The following TUBGCP4 variants were observed in gnomAD, a reference collection of about 807,000 sequenced individuals.
The protein encoded by TUBGCP4 is gamma-tubulin complex component 4.
In TUBGCP4, 54 loss-of-function variants were observed where a neutral mutation model predicts 91.6. That is an observed-to-expected ratio of 0.59 (90% CI 0.47 to 0.74). TUBGCP4 has a LOEUF of 0.74. Ranked by LOEUF, TUBGCP4 falls within the 30% of genes least tolerant of loss-of-function variation. The pLI, the probability that TUBGCP4 is intolerant of heterozygous loss-of-function variation, is 0.00. For synonymous variants in TUBGCP4, 297 were observed against 302.8 expected, an observed-to-expected ratio of 0.98 and a Z score of 0.20; for missense variants, 593 against 800.9, an observed-to-expected ratio of 0.74 and a Z score of 3.13.
chr15:43,403,794 G>A lies in TUBGCP4; in HGVS notation c.1843G>A (p.Val615Met), dbSNP rs760614831. Residue 615 changes from valine (V) to methionine (M), a missense_variant, in exon 16 of 18, where the codon GTG becomes ATG. Transcript: ENST00000564079. Reference sequence around the variant, plus strand: ...TGGAGCCGCCCAGCTGAGCATTCTCGTGAAGGTGCGTCTGCCTGGAAGTAT... The same window carrying A: ...TGGAGCCGCCCAGCTGAGCATTCTCATGAAGGTGCGTCTGCCTGGAAGTAT... ...ERGAAQLSIL[V>M]KGFSRQSSLL... The A allele has an allele frequency of 5.0e-6, 8 of 1,612,588 alleles. No homozygotes were observed. Among genetic ancestry groups the A allele is most frequent in the South Asian group, 2.2e-5 (2 of 91,024 alleles).
rs144089572 is a variant in TUBGCP4 at position 43,392,184 on chromosome 15, C to T, written c.1015-2923C>T. Among the ~76,000 whole-genome samples the T allele has an allele frequency of 2.3e-4, 33 of 142,352 alleles. No homozygotes were observed. In the East Asian group the frequency reaches 6.4e-3, roughly 27 times the overall value. 93.4% of individuals were successfully genotyped at this position (142,352 alleles called of 152,430 possible). A position where few individuals can be genotyped will look rare whatever the true frequency, so the allele number is the denominator to read the frequency against. On this transcript the variant is annotated intron_variant, in intron 9 of 17. Coordinates refer to ENST00000564079, the MANE Select transcript of TUBGCP4 (RefSeq NM_014444.5). The stretch of plus-strand genomic sequence containing the variant: ...TGCCTTTTTCTTTATTAGTTTCTTC[C>T]TTCGTGTTTTTTTTTTTACTCTTTC...
At chr15:43,392,339 A>G (rs2044489312) in intron 9 of TUBGCP4, among the ~76,000 whole-genome samples, 1 of 148,440 alleles carries the variant, frequency 6.7e-6, no homozygotes, top group Non-Finnish European at 1.5e-5. Context: ...ATTCTATATA[A>G]TTCTAATTAA....
intron 17 of TUBGCP4, 157 bp from the exon 18 acceptor site, chr15:43,405,045 C>A: frequency 1.3e-6 from 1 of 767,408 alleles, no homozygotes; most frequent in Non-Finnish European, 2.1e-6. Context: ...TGTCTGCAAG[C>A]AGATTTTTTT....
At position 43,382,240 on chromosome 15, in the gene TUBGCP4, AAAT is replaced by A. The variant is rs377264867; in HGVS notation, c.522-1060_522-1058del. On this transcript the variant is annotated intron_variant, in intron 6 of 17. Coordinates refer to ENST00000564079, the MANE Select transcript of TUBGCP4 (RefSeq NM_014444.5). ...AAAAAAAGAAAAAAGAAAAAAAGAA[AAAT>A]AAAAGAAAAAGGGATTCTCTTATAG... Among the ~76,000 whole-genome samples, 234 of 88,794 alleles carry A rather than the reference AAAT, an allele frequency of 2.6e-3. 1 individual carries two copies. The highest frequency in any genetic ancestry group is 0.023 in the African/African-American group (172 of 7,418). The allele number at this position is 88,794 out of a possible 152,430, so 58.3% of individuals were successfully genotyped here.
Position 43,404,393 on chromosome 15 carries a change from CTGAG to C in TUBGCP4, c.1849-18_1849-15del, listed in dbSNP as rs1566905412. 6.2e-7 allele frequency: 1 copy of C among 1,613,800 alleles called. No homozygotes were observed. Among genetic ancestry groups the C allele is most frequent in the East Asian group, 2.2e-5 (1 of 44,886 alleles). On this transcript the variant is annotated splice_polypyrimidine_tract_variant and intron_variant, in intron 16 of 17. Transcript: ENST00000564079. The stretch of plus-strand genomic sequence containing the variant: ...TTGGTGAGCTGAAGTGGAATGACAG[CTGAG>C]TCCTTCTCTCTGCAGGGCTTTAGCC...
chr15:43,397,443 G>A (rs1256013187), intron 12 of TUBGCP4, 122 bp downstream of exon 12: 1 of 747,368 alleles, frequency 1.3e-6, no homozygotes, highest in Non-Finnish European at 2.3e-6. Flanking sequence ...AGCTAGTACA[G>A]TACTATAATT....
intron 12 of TUBGCP4, 25 bp from the exon 13 acceptor site, chr15:43,398,008 CTTTTCTTT>C: frequency 1.3e-6 from 2 of 1,588,526 alleles, no homozygotes; most frequent in Non-Finnish European, 1.7e-6. Context: ...AAGTTGTTAT[CTTTTCTTT>C]TTTTCTTTTC....
rs2012688 is a variant in TUBGCP4 at position 43,398,492 on chromosome 15, C to A, written c.1418+313C>A. On this transcript the variant is annotated intron_variant, in intron 13 of 17. Transcript: ENST00000564079. ...ATGCCTTCAGGGGCTAGACTGATCA[C>A]ATTAATAAGTGAAGCCACAGATATG... is the stretch of plus-strand genomic sequence containing the variant. 1,795 of 186,922 alleles carry A rather than the reference C, an allele frequency of 9.6e-3. 27 individuals are homozygous for A. The highest frequency in any genetic ancestry group is 0.039 in the African/African-American group (1,669 of 42,926). The allele number at this position is 186,922 out of a possible 1,614,324, so 11.6% of individuals were successfully genotyped here.
In TUBGCP4 at chr15:43,406,425, A is replaced by G. The variant is rs1465757090; in HGVS notation, c.*1211A>G. 2 of 347,816 alleles carry G rather than the reference A, an allele frequency of 5.8e-6. No homozygotes were observed. Among genetic ancestry groups the G allele is most frequent in the African/African-American group, 4.3e-5 (2 of 46,538 alleles). 21.5% of individuals were successfully genotyped at this position (347,816 alleles called of 1,614,324 possible). Reference sequence around the variant, plus strand: ...TTTCTACTGCTGTCTCTGGAGCAGGAGCTGGCAAACTATGGCCTGCTGTCT... The same window carrying G: ...TTTCTACTGCTGTCTCTGGAGCAGGGGCTGGCAAACTATGGCCTGCTGTCT... On this transcript the variant is annotated 3_prime_UTR_variant, in exon 18 of 18. Transcript: ENST00000564079.
intron 5 of TUBGCP4, among the ~76,000 whole-genome samples, chr15:43,378,617 A>G (rs2044241767): frequency 6.6e-6 from 1 of 152,202 alleles, no homozygotes; most frequent in Non-Finnish European, 1.5e-5. Context: ...ACATTGCTGC[A>G]TCATTTTTAA....
At chr15:43,404,904 G>T in intron 17 of TUBGCP4, 1 of 499,850 alleles carries the variant, frequency 2.0e-6, no homozygotes. Context: ...CCGCATCTGT[G>T]AAAGGAGGCG....
chr15:43,407,392 A>C lies in TUBGCP4; in HGVS notation c.*2178A>C, dbSNP rs750843540. 15 of 1,614,016 alleles carry C rather than the reference A, an allele frequency of 9.3e-6. No individual in the cohort carries two copies. The highest frequency in any genetic ancestry group is 1.1e-5 in the Non-Finnish European group (13 of 1,179,970). ...GTAAGACCAAGTATCTTTAGTGAGA[A>C]ACATAATCGTGTTTATATTTTGGAT... On this transcript the variant is annotated 3_prime_UTR_variant, in exon 18 of 18. Transcript: ENST00000564079.
Position 43,380,098 on chromosome 15 carries a change from A to T in TUBGCP4, c.456A>T (p.Gln152His). ...QIKSQKIHGC[Q>H]ILETVYKHSC... ...ATTTTCCACAGATTCATGGTTGTCA[A>T]ATCCTGGAAACAGTCTACAAACACA... Residue 152 changes from glutamine to histidine, a missense_variant, in exon 6 of 18, where the codon CAA (glutamine) becomes CAT (histidine). Gln to His is a conservative substitution (Grantham distance 24). Transcript: ENST00000564079. 1 of 1,614,108 alleles carries T rather than the reference A, an allele frequency of 6.2e-7. No homozygotes were observed. The highest frequency in any genetic ancestry group is 8.5e-7 in the Non-Finnish European group (1 of 1,179,942).
Position 43,398,092 on chromosome 15 carries a change from C to T in TUBGCP4, c.1331C>T (p.Ala444Val), listed in dbSNP as rs774356484. ...GPSRETSPREAPASGWAALGL... is the reference protein window; with the variant it reads ...GPSRETSPREVPASGWAALGL... Reference sequence around the variant, plus strand: ...TCTCGGGAAACTTCTCCCCGGGAAGCCCCTGCATCTGGCTGGGCAGCCCTA... The same window carrying T: ...TCTCGGGAAACTTCTCCCCGGGAAGTCCCTGCATCTGGCTGGGCAGCCCTA... The change falls in exon 13 of 18, where the codon GCC becomes GTC. Residue 444 changes from alanine to valine, a missense_variant. Ala to Val is a moderately conservative substitution (Grantham distance 64). Coordinates refer to ENST00000564079, the MANE Select transcript of TUBGCP4 (RefSeq NM_014444.5). The T allele has an allele frequency of 6.2e-7, 1 of 1,614,074 alleles. No individual in the cohort carries two copies. Among genetic ancestry groups the T allele is most frequent in the Non-Finnish European group, 8.5e-7 (1 of 1,179,960 alleles).
chr15:43,400,067 TACTG>T lies in TUBGCP4; in HGVS notation c.1444_1447del (p.Leu482ValfsTer34), dbSNP rs756598221. 1 of 1,613,442 alleles carries T rather than the reference TACTG, an allele frequency of 6.2e-7. No individual in the cohort carries two copies. Among genetic ancestry groups the T allele is most frequent in the Non-Finnish European group, 8.5e-7 (1 of 1,179,480 alleles). On this transcript the variant is annotated frameshift_variant, in exon 14 of 18. Transcript: ENST00000564079. LOFTEE classifies it high-confidence loss of function. ...AGGTACAATGTTGTTTTTAAGTACT[TACTG>T]AGTGTGCGCCGGGTGCAAGCTGAGC... is the stretch of plus-strand genomic sequence containing the variant.
rs2044758480 is a variant in TUBGCP4 at position 43,403,769 on chromosome 15, T to C, written c.1818T>C (p.Arg606=). 1 of 1,613,812 alleles carries C rather than the reference T, an allele frequency of 6.2e-7. No individual in the cohort carries two copies. The highest frequency in any genetic ancestry group is 1.3e-5 in the African/African-American group (1 of 74,904). ...VSQNLGPLDE[R]GAAQLSILVK... ...AGAACCTAGGCCCACTGGATGAGCG[T>C]GGAGCCGCCCAGCTGAGCATTCTCG... Residue 606 remains arginine (R), a synonymous_variant, in exon 16 of 18, where the codon CGT becomes CGC. Coordinates refer to ENST00000564079, the MANE Select transcript of TUBGCP4 (RefSeq NM_014444.5).
intron 8 of TUBGCP4, 55 bp downstream of exon 8, chr15:43,386,011 A>C (rs2044351418): frequency 5.6e-6 from 9 of 1,596,336 alleles, no homozygotes; most frequent in Non-Finnish European, 7.7e-6. Flanking sequence ...CTTCCTTAAT[A>C]CTATGTGGCC....
chr15:43,376,425 A>G, intron 2 of TUBGCP4, 78 bp from the exon 3 acceptor site: 1 of 1,613,476 alleles, frequency 6.2e-7, no homozygotes, highest in East Asian at 2.2e-5. Flanking sequence ...TAACTTTTAA[A>G]AGAAACAAGC....
chr15:43,382,812 A>G (rs1443467764), intron 6 of TUBGCP4, among the ~76,000 whole-genome samples: 2 of 152,204 alleles, frequency 1.3e-5, no homozygotes, highest in African/African-American at 2.4e-5. Context: ...CCCAACAACC[A>G]TTCTGCATTT....
Sources: gnomAD v4.1 joint callset for allele counts (sites outside exome capture counted in the v4.1 genomes callset) on GRCh38, gnomAD v4.1.1 for gene constraint, MANE v1.5 for transcripts, NCBI Gene and HGNC (gene_info 2026-07-23, HGNC 2026-07-21) for gene names.